The following BPNT2 variants were observed in gnomAD, a reference collection of about 807,000 sequenced individuals.
BPNT2 encodes 3'(2'), 5'-bisphosphate nucleotidase 2.
A neutral mutation model predicts 29.3 loss-of-function variants in BPNT2; 11 were observed. The ratio of observed to expected loss-of-function variants is 0.38; its 90% CI spans 0.24 to 0.62. The LOEUF is 0.62. BPNT2 is among the 20% of genes least tolerant of loss of function. The pLI is 0.62. For synonymous variants in BPNT2, 195 were observed against 187.7 expected, an observed-to-expected ratio of 1.04 and a Z score of -0.32; for missense variants, 459 against 473.4, an observed-to-expected ratio of 0.97 and a Z score of 0.28.
intron 3 of BPNT2, among the ~76,000 whole-genome samples, chr8:56,970,937 T>A (rs909559525): frequency 1.3e-5 from 2 of 152,132 alleles, no homozygotes; most frequent in African/African-American, 2.4e-5. Flanking sequence ...ATCCTTTTCA[T>A]AAATATTCCA....
chr8:56,971,383 T>C (rs1183475775), intron 3 of BPNT2, among the ~76,000 whole-genome samples: 1 of 150,922 alleles, frequency 6.6e-6, no homozygotes, highest in Admixed American at 6.6e-5. Context: ...TTCCACCGAG[T>C]GAATATACAC....
At chr8:56,964,949 C>T (rs1805915012) in intron 4 of BPNT2, among the ~76,000 whole-genome samples, 1 of 152,110 alleles carries the variant, frequency 6.6e-6, no homozygotes, top group South Asian at 2.1e-4. Flanking sequence ...TAACAGAGAG[C>T]CTCTAAGAAA....
At position 56,960,045 on chromosome 8, in the gene BPNT2, T is replaced by C. The variant is rs1030412111; in HGVS notation, c.*3748A>G. On this transcript the variant is annotated 3_prime_UTR_variant, in exon 5 of 5. Transcript: ENST00000262644. ...AGATCTAAAATGAAAAATTATTTTT[T>C]CTTTCTAGGATCAATCAACACATAG... 1.3e-5 allele frequency: 2 copies of C among 152,228 alleles called. No individual in the cohort carries two copies. The highest frequency in any genetic ancestry group is 1.3e-4 in the Admixed American group (2 of 15,276). 9.4% of individuals were successfully genotyped at this position (152,228 alleles called of 1,614,324 possible). A position where few individuals can be genotyped will look rare whatever the true frequency, so the allele number is the denominator to read the frequency against.
Position 56,993,627 on chromosome 8 carries a change from C to T in BPNT2, c.-42G>A. On this transcript the variant is annotated 5_prime_UTR_variant, in exon 1 of 5. Coordinates refer to ENST00000262644, the MANE Select transcript of BPNT2 (RefSeq NM_017813.5). ...CGCTCCGGGCTGCGGCTCTCACAGG[C>T]CTCCAGCGCCCGCCGCCGCCGCCGC... 1 of 1,266,228 alleles carries T rather than the reference C, an allele frequency of 7.9e-7. No homozygotes were observed. Among genetic ancestry groups the T allele is most frequent in the Non-Finnish European group, 9.9e-7 (1 of 1,006,816 alleles). 78.4% of individuals were successfully genotyped at this position (1,266,228 alleles called of 1,614,324 possible). A position where few individuals can be genotyped will look rare whatever the true frequency, so the allele number is the denominator to read the frequency against.
intron 1 of BPNT2, among the ~76,000 whole-genome samples, chr8:56,990,050 T>C (rs13272145): frequency 6.6e-6 from 1 of 152,296 alleles, no homozygotes; most frequent in East Asian, 1.9e-4. Context: ...CTGCACAACA[T>C]GTCAATGCAA....
At chr8:56,964,133 T>G (rs918055272) in intron 4 of BPNT2, 69 bp from the exon 5 acceptor site, 9 of 1,153,660 alleles carry the variant, frequency 7.8e-6, no homozygotes, top group African/African-American at 1.5e-5. Context: ...CTTTTTTGAT[T>G]AAGTATCCTG....
rs1486446208 is a variant in BPNT2 at position 56,959,306 on chromosome 8, A to G, written c.*4487T>C. 2.0e-5 allele frequency: 3 copies of G among 152,230 alleles called. No homozygotes were observed. Among genetic ancestry groups the G allele is most frequent in the African/African-American group, 4.8e-5 (2 of 41,464 alleles). 9.4% of individuals were successfully genotyped at this position (152,230 alleles called of 1,614,324 possible). The stretch of plus-strand genomic sequence containing the variant: ...CTTAAAAATAAATAAAGCTTTGCCA[A>G]TGGTAAATTGGAATGCATATACTTG... On this transcript the variant is annotated 3_prime_UTR_variant, in exon 5 of 5. Coordinates refer to ENST00000262644, the MANE Select transcript of BPNT2 (RefSeq NM_017813.5).
intron 2 of BPNT2, among the ~76,000 whole-genome samples, chr8:56,978,812 A>T (rs1185322186): frequency 8.5e-5 from 13 of 152,196 alleles, no homozygotes; most frequent in Admixed American, 7.2e-4. Flanking sequence ...CAAATACCAC[A>T]TGTTCTCTAA....
Position 56,993,517 on chromosome 8 carries a change from C to T in BPNT2, c.69G>A (p.Val23=). The change falls in exon 1 of 5, where the codon GTG becomes GTA. Residue 23 remains valine, a synonymous_variant. Coordinates refer to ENST00000262644, the MANE Select transcript of BPNT2 (RefSeq NM_017813.5). ...VAVFCLLGLG[V]LYHLYSGFLA... is the part of the protein sequence containing the mutation. Reference sequence around the variant, plus strand: ...AGAAGCCCGAGTAGAGGTGGTAGAGCACGCCGAGCCCCAGCAGGCAAAACA... The same window carrying T: ...AGAAGCCCGAGTAGAGGTGGTAGAGTACGCCGAGCCCCAGCAGGCAAAACA... 1 of 1,497,314 alleles carries T rather than the reference C, an allele frequency of 6.7e-7. No individual in the cohort carries two copies. Among genetic ancestry groups the T allele is most frequent in the Non-Finnish European group, 8.9e-7 (1 of 1,123,516 alleles). 92.8% of individuals were successfully genotyped at this position (1,497,314 alleles called of 1,614,324 possible).
intron 1 of BPNT2, among the ~76,000 whole-genome samples, chr8:56,990,742 G>A (rs1440320701): frequency 6.6e-6 from 1 of 151,984 alleles, no homozygotes; most frequent in African/African-American, 2.4e-5. Flanking sequence ...GTCTTCCGAC[G>A]TTGTCAAATG....
chr8:56,971,922 C>G (rs1364618066), intron 3 of BPNT2, among the ~76,000 whole-genome samples: 1 of 151,310 alleles, frequency 6.6e-6, no homozygotes, highest in Admixed American at 6.6e-5. Context: ...GGTGATACCC[C>G]GTCTCTACTA....
rs1202905686 is a variant in BPNT2, at chr8:56,993,209, G to A, written c.377C>T (p.Pro126Leu). 1.9e-6 allele frequency: 3 copies of A among 1,600,492 alleles called. No homozygotes were observed. Among genetic ancestry groups the A allele is most frequent in the Non-Finnish European group, 2.5e-6 (3 of 1,179,176 alleles). ...CCCGTGGGCTCCCACCTGGACGCTG[G>A]GGAAGGCGGTCTTGAGCAGGTAGAA... ...KMFYLLKTAFPSVQINTEEHV... is the reference protein window; with the variant it reads ...KMFYLLKTAFLSVQINTEEHV... The change falls in exon 1 of 5, where the codon CCC becomes CTC. Residue 126 changes from proline (P) to leucine (L), a missense_variant. Pro to Leu is a moderately conservative substitution (Grantham distance 98, BLOSUM62 -3). Transcript: ENST00000262644.
At chr8:56,965,687 A>G (rs914224015) in intron 4 of BPNT2, among the ~76,000 whole-genome samples, 5 of 152,236 alleles carry the variant, frequency 3.3e-5, no homozygotes, top group African/African-American at 1.2e-4. Flanking sequence ...ATACAATAGT[A>G]GAGAATATAC....
intron 4 of BPNT2, among the ~76,000 whole-genome samples, chr8:56,965,282 G>C (rs13438887): frequency 6.6e-6 from 1 of 152,126 alleles, no homozygotes; most frequent in Non-Finnish European, 1.5e-5. Context: ...TCACACCACT[G>C]CACTCCAGCC....
At chr8:56,965,752 G>A (rs928780946) in intron 4 of BPNT2, among the ~76,000 whole-genome samples, 49 of 152,280 alleles carry the variant, frequency 3.2e-4, no homozygotes, top group Middle Eastern at 6.8e-3. Context: ...GCAGGTTAAA[G>A]AGTTCAGGGG....
chr8:56,985,510 T>C (rs1347165799), intron 1 of BPNT2, among the ~76,000 whole-genome samples: 1 of 152,010 alleles, frequency 6.6e-6, no homozygotes, highest in Non-Finnish European at 1.5e-5. Context: ...CCCATTATGG[T>C]GGGAATGAAC....
chr8:56,991,672 C>T (rs1171965371), intron 1 of BPNT2, among the ~76,000 whole-genome samples: 2 of 152,140 alleles, frequency 1.3e-5, no homozygotes, highest in African/African-American at 4.8e-5. Flanking sequence ...CTTAAAGTTG[C>T]TGTTAAGGAT....
intron 3 of BPNT2, among the ~76,000 whole-genome samples, chr8:56,975,574 T>C (rs943267042): frequency 1.3e-5 from 2 of 152,156 alleles, no homozygotes; most frequent in Non-Finnish European, 1.5e-5. Flanking sequence ...TACAAAATAA[T>C]TGTAAGATAC....
At chr8:56,972,430 TG>T (rs144723907) in intron 3 of BPNT2, among the ~76,000 whole-genome samples, 3 of 151,174 alleles carry the variant, frequency 2.0e-5, no homozygotes, top group Non-Finnish European at 2.9e-5. Context: ...AGAATAATTG[TG>T]GGAAAAAAAA....
Sources: allele counts gnomAD v4.1 joint callset (sites outside exome capture counted in the v4.1 genomes callset), GRCh38; gene constraint gnomAD v4.1.1; transcripts MANE v1.5; gene names NCBI Gene and HGNC (gene_info 2026-07-23, HGNC 2026-07-21).